The following FER variants were observed in gnomAD, a reference collection of about 807,000 sequenced individuals.
The protein encoded by FER is FER tyrosine kinase, also known as tyrosine-protein kinase Fer.
In FER, 63 loss-of-function variants were observed where a neutral mutation model predicts 111.0. The ratio of observed to expected loss-of-function variants is 0.57; its 90% CI spans 0.46 to 0.70. The LOEUF (loss-of-function observed/expected upper bound fraction) is 0.70. FER is among the 30% of genes least tolerant of loss of function. The probability of loss-of-function intolerance (pLI) is 0.00; values close to 1 mark genes in which losing one functional copy is unlikely to be tolerated. For synonymous variants in FER, 327 were observed against 313.9 expected, an observed-to-expected ratio of 1.04 and a Z score of -0.44; for missense variants, 914 against 954.0, an observed-to-expected ratio of 0.96 and a Z score of 0.55.
intron 17 of FER, among the ~76,000 whole-genome samples, chr5:109,140,603 T>G (rs974586199): frequency 1.3e-5 from 2 of 152,206 alleles, no homozygotes; most frequent in African/African-American, 4.8e-5. Flanking sequence ...TACAAAAGCC[T>G]GTTAAAATGA....
intron 16 of FER, among the ~76,000 whole-genome samples, chr5:109,070,598 T>C (rs975056): frequency 0.19 from 28,860 of 151,754 alleles, 3,006 homozygotes; most frequent in Non-Finnish European, 0.22. Flanking sequence ...GTTAAGTGAA[T>C]TGCGAGGTGG....
At chr5:108,957,082 G>T (rs1333146919) in intron 12 of FER, among the ~76,000 whole-genome samples, 1 of 151,588 alleles carries the variant, frequency 6.6e-6, no homozygotes, top group Non-Finnish European at 1.5e-5. Flanking sequence ...TTGGCTTTCA[G>T]TCCTAGCTCT....
intron 11 of FER, 69 bp downstream of exon 11, chr5:108,946,291 A>AATAT: frequency 1.0e-6 from 1 of 967,944 alleles, no homozygotes; most frequent in African/African-American, 1.6e-5. Context: ...TGCACTAATG[A>AATAT]ATATATATAT....
rs549156973 is a variant in FER, at chr5:108,752,672, A to G, written c.-206+4672A>G. 1.8e-4 allele frequency among the ~76,000 whole-genome samples: 28 copies of G among 152,192 alleles called. No homozygotes were observed. In the South Asian group the frequency reaches 5.8e-3, roughly 32 times the overall value. On this transcript the variant is annotated intron_variant, in intron 1 of 19. Transcript: ENST00000281092. Reference sequence around the variant, plus strand: ...GCCATATTTTTTCTTTGGAATTCAAAGTATCTAGGTAAAACAAAGTTTTCT... The same window carrying G: ...GCCATATTTTTTCTTTGGAATTCAAGGTATCTAGGTAAAACAAAGTTTTCT...
chr5:108,989,090 G>A (rs1045434181), intron 13 of FER, among the ~76,000 whole-genome samples: 1 of 152,010 alleles, frequency 6.6e-6, no homozygotes, highest in Admixed American at 6.6e-5. Flanking sequence ...TGGTTTTGAG[G>A]TTCCTTTTGG....
chr5:108,993,418 A>C (rs1763531488), intron 13 of FER, among the ~76,000 whole-genome samples: 1 of 152,140 alleles, frequency 6.6e-6, no homozygotes, highest in African/African-American at 2.4e-5. Context: ...GCGCGCCTGC[A>C]ATCGCAGGCA....
At chr5:109,062,775 G>A (rs1774591657) in intron 16 of FER, among the ~76,000 whole-genome samples, 1 of 152,130 alleles carries the variant, frequency 6.6e-6, no homozygotes, top group Non-Finnish European at 1.5e-5. Flanking sequence ...CTAGGGATTA[G>A]TAACTACTCC....
intron 3 of FER, among the ~76,000 whole-genome samples, chr5:108,827,516 CT>C (rs1759591099): frequency 6.6e-6 from 1 of 152,094 alleles, no homozygotes; most frequent in Admixed American, 6.5e-5. Context: ...GGTTATTTCT[CT>C]TTTCTTAGAC....
intron 1 of FER, among the ~76,000 whole-genome samples, chr5:108,760,967 G>C (rs893057388): frequency 1.3e-5 from 2 of 151,152 alleles, no homozygotes; most frequent in Non-Finnish European, 2.9e-5. Flanking sequence ...GTCTCGCTCT[G>C]TTGCCCAGGC....
chr5:109,037,179 A>G (rs544341918), intron 13 of FER, among the ~76,000 whole-genome samples: 2 of 152,186 alleles, frequency 1.3e-5, no homozygotes, highest in South Asian at 2.1e-4. Context: ...CAGAGATACT[A>G]TCATTTCGAA....
At chr5:109,024,578 C>T (rs891698425) in intron 13 of FER, among the ~76,000 whole-genome samples, 17 of 151,976 alleles carry the variant, frequency 1.1e-4, no homozygotes, top group African/African-American at 2.2e-4. Flanking sequence ...CTACGGAGGA[C>T]GGTGGGTAGA....
intron 17 of FER, among the ~76,000 whole-genome samples, chr5:109,140,037 TAAAC>T (rs1168424117): frequency 1.2e-4 from 18 of 152,322 alleles, no homozygotes; most frequent in African/African-American, 4.1e-4. Context: ...TAGTGCCTAG[TAAAC>T]AAACAATTCT....
At chr5:109,021,362 A>T (rs945111406) in intron 13 of FER, among the ~76,000 whole-genome samples, 2 of 152,002 alleles carry the variant, frequency 1.3e-5, no homozygotes, top group Non-Finnish European at 2.9e-5. Flanking sequence ...TTCTATGTAC[A>T]TTATTTTTAA....
chr5:108,924,669 GA>G (rs1330770529), intron 10 of FER: 2 of 1,231,922 alleles, frequency 1.6e-6, no homozygotes, highest in Non-Finnish European at 2.0e-6. Flanking sequence ...AGATGGAGCA[GA>G]AAATGAAATG....
At chr5:109,075,160 C>G (rs868152632) in intron 16 of FER, among the ~76,000 whole-genome samples, 2 of 152,092 alleles carry the variant, frequency 1.3e-5, no homozygotes, top group African/African-American at 4.8e-5. Context: ...ACGCTGCTGT[C>G]TCTTTTCTTG....
At chr5:109,044,912 CA>C in intron 15 of FER, 117 bp downstream of exon 15, 1 of 556,174 alleles carries the variant, frequency 1.8e-6, no homozygotes, top group Non-Finnish European at 3.0e-6. Flanking sequence ...AGCACTTTTA[CA>C]GTATGGAATC....
chr5:109,176,168 C>T (rs1051409274), intron 17 of FER, among the ~76,000 whole-genome samples: 1 of 151,856 alleles, frequency 6.6e-6, no homozygotes, highest in African/African-American at 2.4e-5. Flanking sequence ...GGAAAGAAAC[C>T]CAGTATATCA....
At chr5:109,079,670 C>G (rs1275536933) in intron 16 of FER, among the ~76,000 whole-genome samples, 1 of 150,584 alleles carries the variant, frequency 6.6e-6, no homozygotes, top group East Asian at 2.0e-4. Flanking sequence ...AAGTAAAATT[C>G]TGGCTTGAAG....
At chr5:108,862,788 G>C (rs185289972) in intron 5 of FER, among the ~76,000 whole-genome samples, 1 of 151,598 alleles carries the variant, frequency 6.6e-6, no homozygotes, top group African/African-American at 2.4e-5. Flanking sequence ...GAATTAATTT[G>C]TTCAATTTCA....
Sources: gnomAD v4.1 joint callset for allele counts (sites outside exome capture counted in the v4.1 genomes callset) on GRCh38, gnomAD v4.1.1 for gene constraint, MANE v1.5 for transcripts, NCBI Gene and HGNC (gene_info 2026-07-23, HGNC 2026-07-21) for gene names.